The following CABLES1 variants were observed in gnomAD, a reference collection of about 807,000 sequenced individuals.
The protein encoded by CABLES1 is Cdk5 and Abl enzyme substrate 1, also known as CDK5 and ABL1 enzyme substrate 1.
Under a neutral mutation model 57.8 loss-of-function variants are expected in CABLES1, and 36 were observed. The ratio of observed to expected loss-of-function variants is 0.62; its 90% CI spans 0.48 to 0.82. The LOEUF (loss-of-function observed/expected upper bound fraction) is 0.82, where lower values mean the gene tolerates loss of function less well. Among genes scored for constraint, CABLES1 ranks in the 40% least tolerant of loss-of-function variants. CABLES1 has a pLI of 0.00. For synonymous variants in CABLES1, 374 were observed against 363.0 expected (o/e 1.03, Z -0.35); for missense variants, 767 against 836.6 (o/e 0.92, Z 1.03).
At chr18:23,222,345 A>G (rs2047493793) in intron 4 of CABLES1, among the ~76,000 whole-genome samples, 2 of 151,624 alleles carry the variant, frequency 1.3e-5, no homozygotes, top group African/African-American at 4.9e-5. Context: ...CTTATAATAT[A>G]CATTTTAACT....
At chr18:23,186,265 C>A (rs1220790510) in intron 1 of CABLES1, among the ~76,000 whole-genome samples, 14 of 152,168 alleles carry the variant, frequency 9.2e-5, no homozygotes, top group Non-Finnish European at 1.9e-4. Context: ...GTGAAGGAAA[C>A]TGGAGTGTCA....
chr18:23,213,716 A>T (rs944977264), intron 3 of CABLES1, among the ~76,000 whole-genome samples: 1 of 152,202 alleles, frequency 6.6e-6, no homozygotes, highest in Admixed American at 6.5e-5. Context: ...GTCTTGCAGG[A>T]GAAGGGGTGC....
At chr18:23,177,081 T>A (rs1012364062) in intron 1 of CABLES1, among the ~76,000 whole-genome samples, 14 of 152,094 alleles carry the variant, frequency 9.2e-5, no homozygotes, top group Non-Finnish European at 1.8e-4. Flanking sequence ...CCCACAGAGC[T>A]AGGCACAGAG....
chr18:23,147,793 C>G (rs562928150), intron 1 of CABLES1, among the ~76,000 whole-genome samples: 1 of 152,290 alleles, frequency 6.6e-6, no homozygotes, highest in South Asian at 2.1e-4. Context: ...TGAAGAGCAA[C>G]AACCGGTTTT....
chr18:23,163,855 A>ATGT (rs1232150270), intron 1 of CABLES1, among the ~76,000 whole-genome samples: 1 of 152,158 alleles, frequency 6.6e-6, no homozygotes, highest in African/African-American at 2.4e-5. Flanking sequence ...TGCTGTGTAA[A>ATGT]TGTTTTTGTT....
At chr18:23,180,935 A>G (rs1443005035) in intron 1 of CABLES1, among the ~76,000 whole-genome samples, 2 of 152,208 alleles carry the variant, frequency 1.3e-5, no homozygotes, top group Non-Finnish European at 2.9e-5. Flanking sequence ...TAGTTGCCTC[A>G]AGGGCCAACC....
intron 3 of CABLES1, among the ~76,000 whole-genome samples, chr18:23,208,095 G>A (rs1045084238): frequency 2.0e-5 from 3 of 152,168 alleles, no homozygotes; most frequent in Non-Finnish European, 2.9e-5. Flanking sequence ...TCCTAGGCCA[G>A]CCCCAGCACT....
intron 3 of CABLES1, among the ~76,000 whole-genome samples, chr18:23,196,346 G>A (rs1031605119): frequency 6.6e-6 from 1 of 152,196 alleles, no homozygotes; most frequent in African/African-American, 2.4e-5. Flanking sequence ...GTATGCCCAG[G>A]TGAGAGCTGG....
chr18:23,244,811 G>A (rs1443918180), intron 7 of CABLES1, among the ~76,000 whole-genome samples: 1 of 152,216 alleles, frequency 6.6e-6, no homozygotes, highest in Non-Finnish European at 1.5e-5. Context: ...AGCTCCTGGG[G>A]TGCAGGCAGC....
intron 2 of CABLES1, among the ~76,000 whole-genome samples, chr18:23,191,184 A>C (rs2047240539): frequency 6.6e-6 from 1 of 152,154 alleles, no homozygotes; most frequent in Admixed American, 6.5e-5. Context: ...CCAGGAGTTC[A>C]AGACTTAAAT....
intron 3 of CABLES1, among the ~76,000 whole-genome samples, chr18:23,199,940 G>A (rs1298562401): frequency 1.3e-5 from 2 of 152,126 alleles, no homozygotes; most frequent in East Asian, 1.9e-4. Flanking sequence ...AAAGGATGGC[G>A]AATTTCCTGG....
At position 23,136,447 on chromosome 18, in the gene CABLES1, AC is replaced by A; in HGVS notation, c.690del (p.Ser232ValfsTer107). 6.2e-7 allele frequency: 1 copy of A among 1,602,764 alleles called. No homozygotes were observed. On this transcript the variant is annotated frameshift_variant, in exon 1 of 10. Coordinates refer to ENST00000256925, the MANE Select transcript of CABLES1 (RefSeq NM_001100619.3). LOFTEE classifies it high-confidence loss of function. ...VPAAAFLGSG[T>X]PGSGSGSRGR... Reference sequence around the variant, plus strand: ...GGCGGCCGCCTTTTTGGGCTCCGGGACCCCCGGGAGTGGGAGCGGCAGTCGG... The same window carrying A: ...GGCGGCCGCCTTTTTGGGCTCCGGGACCCCGGGAGTGGGAGCGGCAGTCGG...
chr18:23,140,513 G>A lies in CABLES1; in HGVS notation c.845+3906G>A, dbSNP rs961381860. Among the ~76,000 whole-genome samples, 6 of 150,792 alleles carry A rather than the reference G, an allele frequency of 4.0e-5. No individual in the cohort carries two copies. In the East Asian group the frequency reaches 5.9e-4, roughly 15 times the overall value. ...GTGCAGTGGCGCCATCGCGGCTCACGGCAACCTCTGCCTCCTGGGTTCAAG... is the reference window on the plus strand; with the variant it reads ...GTGCAGTGGCGCCATCGCGGCTCACAGCAACCTCTGCCTCCTGGGTTCAAG... On this transcript the variant is annotated intron_variant, in intron 1 of 9. Coordinates refer to ENST00000256925, the MANE Select transcript of CABLES1 (RefSeq NM_001100619.3).
At chr18:23,142,733 A>G (rs1040220525) in intron 1 of CABLES1, among the ~76,000 whole-genome samples, 6 of 152,188 alleles carry the variant, frequency 3.9e-5, no homozygotes, top group Admixed American at 2.6e-4. Flanking sequence ...GCTGGGTGAC[A>G]TAAGTAAACG....
At chr18:23,171,168 C>G (rs1182666747) in intron 1 of CABLES1, among the ~76,000 whole-genome samples, 1 of 152,182 alleles carries the variant, frequency 6.6e-6, no homozygotes, top group African/African-American at 2.4e-5. Context: ...TCTGTAGATC[C>G]AGGCCACATC....
In CABLES1 at chr18:23,181,822, C is replaced by A. The variant is rs548770377; in HGVS notation, c.846-7016C>A. The stretch of plus-strand genomic sequence containing the variant: ...ACATAAGTACCAAAGCAAATAATGA[C>A]AAGCTTTTGGGTGTCTTGTGACTGT... On this transcript the variant is annotated intron_variant, in intron 1 of 9. Coordinates refer to ENST00000256925, the MANE Select transcript of CABLES1 (RefSeq NM_001100619.3). Among the ~76,000 whole-genome samples the A allele has an allele frequency of 3.9e-5, 6 of 152,314 alleles. No homozygotes were observed. In the East Asian group the frequency reaches 9.6e-4, roughly 24 times the overall value.
At chr18:23,171,285 T>C (rs554886404) in intron 1 of CABLES1, among the ~76,000 whole-genome samples, 6 of 152,166 alleles carry the variant, frequency 3.9e-5, no homozygotes, top group Non-Finnish European at 7.4e-5. Flanking sequence ...CCTCACCGGA[T>C]TGTTCTTAAA....
chr18:23,253,672 G>C lies in CABLES1; in HGVS notation c.1554-57G>C, dbSNP rs1190647340. On this transcript the variant is annotated intron_variant, in intron 8 of 9. Transcript: ENST00000256925. ...GCATTCAAGATGGGGGAGTTTTTCT[G>C]TCCACTGAAACTCTAAGTTTTCACA... 8 of 1,431,604 alleles carry C rather than the reference G, an allele frequency of 5.6e-6. No homozygotes were observed. In the Admixed American group the frequency reaches 7.6e-5, roughly 14 times the overall value. 88.7% of individuals were successfully genotyped at this position (1,431,604 alleles called of 1,614,324 possible).
chr18:23,177,427 A>ACACG (rs1338779965), intron 1 of CABLES1, among the ~76,000 whole-genome samples: 1 of 150,314 alleles, frequency 6.7e-6, no homozygotes, highest in African/African-American at 2.5e-5. Flanking sequence ...GTACACACAC[A>ACACG]CACACACACA....
Sources: allele counts gnomAD v4.1 joint callset (sites outside exome capture counted in the v4.1 genomes callset), GRCh38; gene constraint gnomAD v4.1.1; transcripts MANE v1.5; gene names NCBI Gene and HGNC (gene_info 2026-07-23, HGNC 2026-07-21).